Variants in SGCD observed in about 807,000 individuals in gnomAD.
SGCD encodes delta-sarcoglycan.
In SGCD, 18 loss-of-function variants were observed where a neutral mutation model predicts 36.6. The observed-to-expected ratio is 0.49, with a 90% CI of 0.34 to 0.73. The LOEUF (loss-of-function observed/expected upper bound fraction) is 0.73. Among genes scored for constraint, SGCD ranks in the 30% least tolerant of loss-of-function variants. SGCD has a pLI of 0.01. For missense variants in SGCD, 387 were observed against 346.7 expected (o/e 1.12, Z -0.92); for synonymous variants, 133 against 130.6 (o/e 1.02, Z -0.12).
At chr5:155,896,878 T>C (rs1254360765) in intron 1 of SGCD, among the ~76,000 whole-genome samples, 2 of 152,192 alleles carry the variant, frequency 1.3e-5, no homozygotes, top group African/African-American at 4.8e-5. Flanking sequence ...ATCAGTGTCA[T>C]AGATAATCTA....
chr5:156,495,427 G>A (rs1250629577), intron 3 of SGCD, among the ~76,000 whole-genome samples: 2 of 152,072 alleles, frequency 1.3e-5, no homozygotes, highest in Non-Finnish European at 2.9e-5. Flanking sequence ...GTATCAAAAC[G>A]GCACTGGGCC....
chr5:155,805,176 A>G, the SGCD span, among the ~76,000 whole-genome samples: 57 of 152,258 alleles, frequency 3.7e-4, no homozygotes, highest in Non-Finnish European at 7.6e-4. Flanking sequence ...AGTGTCTGCA[A>G]TGGGCTAATC....
At chr5:156,585,203 T>G (rs1162885300) in intron 4 of SGCD, among the ~76,000 whole-genome samples, 2 of 152,156 alleles carry the variant, frequency 1.3e-5, no homozygotes, top group African/African-American at 2.4e-5. Context: ...TCATTATTCA[T>G]GACTGGAAAA....
chr5:155,925,891 A>G (rs1366485569), intron 1 of SGCD, among the ~76,000 whole-genome samples: 3 of 151,930 alleles, frequency 2.0e-5, no homozygotes, highest in Non-Finnish European at 4.4e-5. Context: ...TGCTGGGAGT[A>G]CAAAAGTGAA....
chr5:156,302,803 A>G (rs1025873425), intron 3 of SGCD, among the ~76,000 whole-genome samples: 5 of 152,090 alleles, frequency 3.3e-5, no homozygotes, highest in Non-Finnish European at 7.4e-5. Context: ...ATCTTCTCTT[A>G]CTTTCTCCTA....
chr5:156,004,395 A>G (rs1314179145), intron 1 of SGCD, among the ~76,000 whole-genome samples: 1 of 152,122 alleles, frequency 6.6e-6, no homozygotes, highest in Non-Finnish European at 1.5e-5. Context: ...GATCCCTTCT[A>G]TTTTACTGAG....
chr5:156,694,697 A>G (rs1754238937), intron 7 of SGCD, among the ~76,000 whole-genome samples: 2 of 152,182 alleles, frequency 1.3e-5, no homozygotes, highest in South Asian at 4.1e-4. Context: ...AGACCTAAAG[A>G]CTTTTAGACT....
intron 2 of SGCD, among the ~76,000 whole-genome samples, chr5:156,336,961 G>C (rs1768386865): frequency 6.6e-6 from 1 of 152,140 alleles, no homozygotes; most frequent in African/African-American, 2.4e-5. Context: ...ATAAATAGGT[G>C]CTTACTTTTC....
rs1554107842 is a variant in SGCD, at chr5:156,487,813, A to AAAAAAAAAAAAAAAAAAAAAAGAAAAAG, written c.193-20785_193-20784insAAAAAAAAAAAAAAAAAAGAAAAAGAAA. On this transcript the variant is annotated intron_variant, in intron 3 of 8. Coordinates refer to ENST00000337851, the MANE Select transcript of SGCD (RefSeq NM_000337.6). ...CAAAAAAAAAAAAAAAAAAAAAAAAAAAAGAAAGAAAGAAAAAGCTTAACA... is the reference window on the plus strand; with the variant it reads ...CAAAAAAAAAAAAAAAAAAAAAAAAAAAAAAAAAAAAAAAAAAAAAAGAAAAAGAAAGAAAGAAAGAAAAAGCTTAACA... 2.6e-5 allele frequency among the ~76,000 whole-genome samples: 2 copies of AAAAAAAAAAAAAAAAAAAAAAGAAAAAG among 77,798 alleles called. 1 individual carries two copies. The highest frequency in any genetic ancestry group is 8.7e-5 in the African/African-American group (2 of 22,948). 51.0% of individuals were successfully genotyped at this position (77,798 alleles called of 152,430 possible). A position where few individuals can be genotyped will look rare whatever the true frequency, so the allele number is the denominator to read the frequency against.
chr5:156,125,839 TTTA>T (rs144493356), intron 3 of SGCD, among the ~76,000 whole-genome samples: 36,552 of 131,172 alleles, frequency 0.28, 5,227 homozygotes, highest in Non-Finnish European at 0.34. Flanking sequence ...CACTCATTCT[TTTA>T]TTATTATTAT....
chr5:156,243,432 A>C (rs1765354937), intron 3 of SGCD, among the ~76,000 whole-genome samples: 1 of 152,174 alleles, frequency 6.6e-6, no homozygotes, highest in Admixed American at 6.5e-5. Flanking sequence ...GAAGAACCAG[A>C]TTTTTTTTAA....
At chr5:155,889,039 A>G (rs1054255657) in intron 1 of SGCD, among the ~76,000 whole-genome samples, 9 of 152,182 alleles carry the variant, frequency 5.9e-5, no homozygotes, top group African/African-American at 1.4e-4. Context: ...CTGTATTTAT[A>G]TATTTGTACA....
intron 1 of SGCD, among the ~76,000 whole-genome samples, chr5:155,996,917 A>G (rs372703649): frequency 4.5e-4 from 69 of 151,980 alleles, no homozygotes; most frequent in Admixed American, 1.4e-3. Flanking sequence ...AGACAGACAG[A>G]CAGGCAGGCA....
intron 3 of SGCD, among the ~76,000 whole-genome samples, chr5:156,431,528 C>T (rs144131538): frequency 1.3e-5 from 2 of 152,198 alleles, no homozygotes; most frequent in East Asian, 3.9e-4. Context: ...CAGACTTTCC[C>T]TACTGCCCCC....
intron 4 of SGCD, among the ~76,000 whole-genome samples, chr5:156,537,320 G>T (rs962299897): frequency 6.6e-6 from 1 of 151,980 alleles, no homozygotes; most frequent in African/African-American, 2.4e-5. Context: ...TGAAGCAGGG[G>T]CCCTATCCTG....
chr5:156,490,608 A>G (rs1755892530), intron 3 of SGCD, among the ~76,000 whole-genome samples: 1 of 152,110 alleles, frequency 6.6e-6, no homozygotes, highest in African/African-American at 2.4e-5. Flanking sequence ...CAGAAACTAT[A>G]TAATCCTCTC....
Position 156,056,645 on chromosome 5 carries a change from T to TAAAAAAAAAAAAAAAAAAAAAAAAAA in SGCD, c.-281-61213_-281-61212insAAAAAAAAAAAAAAAAAAAAAAAAAA, listed in dbSNP as rs561328077. Among the ~76,000 whole-genome samples, 6 of 68,256 alleles carry TAAAAAAAAAAAAAAAAAAAAAAAAAA rather than the reference T, an allele frequency of 8.8e-5. 1 individual carries two copies. Among genetic ancestry groups the TAAAAAAAAAAAAAAAAAAAAAAAAAA allele is most frequent in the East Asian group, 1.3e-3 (2 of 1,572 alleles). The allele number at this position is 68,256 out of a possible 152,430, so 44.8% of individuals were successfully genotyped here. A position where few individuals can be genotyped will look rare whatever the true frequency, so the allele number is the denominator to read the frequency against. On this transcript the variant is annotated intron_variant, in intron 1 of 9. Coordinates refer to the SGCD transcript ENST00000517913. ...GGTCCCCTACCTGCCAAATTATCCT[T>TAAAAAAAAAAAAAAAAAAAAAAAAAA]AAAAAAAAAAAAAAAAAAAACAGTC...
At chr5:156,465,593 C>T (rs1754688189) in intron 3 of SGCD, among the ~76,000 whole-genome samples, 1 of 152,144 alleles carries the variant, frequency 6.6e-6, no homozygotes, top group Admixed American at 6.5e-5. Context: ...CTGGAGGCCG[C>T]CTCCAAGAGC....
intron 1 of SGCD, among the ~76,000 whole-genome samples, chr5:156,010,519 G>A (rs567338031): frequency 1.1e-4 from 17 of 152,232 alleles, no homozygotes; most frequent in African/African-American, 4.1e-4. Flanking sequence ...TTTTCAGATA[G>A]TTGACATCTA....
Sources: gnomAD v4.1 joint callset for allele counts (sites outside exome capture counted in the v4.1 genomes callset) on GRCh38, gnomAD v4.1.1 for gene constraint, MANE v1.5 for transcripts, NCBI Gene and HGNC (gene_info 2026-07-23, HGNC 2026-07-21) for gene names.